Variants in LUZP2 observed in about 807,000 individuals in gnomAD.
The protein encoded by LUZP2 is leucine zipper protein 2.
A neutral mutation model predicts 51.6 loss-of-function variants in LUZP2; 52 were observed. The observed-to-expected ratio is 1.01, with a 90% CI of 0.81 to 1.27. LUZP2 has a LOEUF of 1.27. Ranked by LOEUF, LUZP2 falls within the 50% of genes most tolerant of loss-of-function variation. The pLI is 0.00. For synonymous variants in LUZP2, 154 were observed against 137.3 expected, an observed-to-expected ratio of 1.12 and a Z score of -0.85; for missense variants, 436 against 395.4, an observed-to-expected ratio of 1.10 and a Z score of -0.87.
At chr11:24,940,214 T>A (rs11028288) in intron 7 of LUZP2, among the ~76,000 whole-genome samples, 67,006 of 151,970 alleles carry the variant, frequency 0.44, 15,188 homozygotes, top group East Asian at 0.76. Flanking sequence ...TTAATGAGAA[T>A]GGAAACTATA....
intron 5 of LUZP2, among the ~76,000 whole-genome samples, chr11:24,841,101 C>A (rs1323959927): frequency 6.6e-6 from 1 of 151,806 alleles, no homozygotes; most frequent in African/African-American, 2.4e-5. Context: ...CCCCAAAATT[C>A]ATATGTTAAA....
chr11:24,656,526 A>G (rs915293731), intron 1 of LUZP2, among the ~76,000 whole-genome samples: 1 of 152,110 alleles, frequency 6.6e-6, no homozygotes, highest in African/African-American at 2.4e-5. Context: ...AGTCTGGCAC[A>G]TGTGTCACTG....
chr11:25,070,770 GGTGTGTGTGT>G (rs67504954), intron 10 of LUZP2, among the ~76,000 whole-genome samples: 3,752 of 141,178 alleles, frequency 0.027, 54 homozygotes, highest in East Asian at 0.045. Context: ...GACTGTGTAT[GGTGTGTGTGT>G]GTGTGTGTGT....
chr11:24,881,794 A>C (rs990280301), intron 5 of LUZP2, among the ~76,000 whole-genome samples: 1 of 152,094 alleles, frequency 6.6e-6, no homozygotes, highest in Non-Finnish European at 1.5e-5. Flanking sequence ...TAGATTTTAT[A>C]AAATTTTTAT....
chr11:24,874,089 C>T (rs533802032), intron 5 of LUZP2, among the ~76,000 whole-genome samples: 1 of 152,228 alleles, frequency 6.6e-6, no homozygotes, highest in African/African-American at 2.4e-5. Flanking sequence ...ATTCTTCCAG[C>T]TTTACAGTGG....
chr11:24,519,250 T>G (rs972404404), intron 1 of LUZP2, among the ~76,000 whole-genome samples: 8 of 152,132 alleles, frequency 5.3e-5, no homozygotes, highest in Non-Finnish European at 7.4e-5. Context: ...CCATTAGGAT[T>G]GTATATAAGG....
chr11:25,048,216 G>A (rs1450314507), intron 9 of LUZP2, among the ~76,000 whole-genome samples: 2 of 152,054 alleles, frequency 1.3e-5, no homozygotes, highest in African/African-American at 2.4e-5. Context: ...CTACCCTATA[G>A]ACCAACAAGC....
chr11:24,715,261 C>CTCTGTGTGTGTGTG (rs1220899685), intron 1 of LUZP2, among the ~76,000 whole-genome samples: 1 of 73,510 alleles, frequency 1.4e-5, no homozygotes, highest in East Asian at 8.9e-4. Flanking sequence ...CAAGGAGCAA[C>CTCTGTGTGTGTGTG]TATGTGTGTG....
chr11:24,869,275 G>A (rs995559905), intron 5 of LUZP2, among the ~76,000 whole-genome samples: 1 of 152,046 alleles, frequency 6.6e-6, no homozygotes, highest in Admixed American at 6.6e-5. Flanking sequence ...ATACAGCCTC[G>A]TTTTATTGCA....
chr11:24,748,523 G>A (rs1859461227), intron 4 of LUZP2, among the ~76,000 whole-genome samples: 2 of 151,298 alleles, frequency 1.3e-5, no homozygotes, highest in South Asian at 2.1e-4. Context: ...GCAGTGGCAC[G>A]ATCTCAGCTC....
chr11:24,985,999 G>A (rs1185480128), intron 9 of LUZP2, among the ~76,000 whole-genome samples: 3 of 151,654 alleles, frequency 2.0e-5, no homozygotes, highest in African/African-American at 7.3e-5. Context: ...CAGAGGGAAT[G>A]TTTATGACAA....
chr11:24,940,458 C>G (rs1854713521), intron 7 of LUZP2, among the ~76,000 whole-genome samples: 1 of 152,108 alleles, frequency 6.6e-6, no homozygotes, highest in African/African-American at 2.4e-5. Flanking sequence ...AGGAGAGATT[C>G]TGGATCCAAG....
chr11:24,511,937 C>A (rs142383261), intron 1 of LUZP2, among the ~76,000 whole-genome samples: 1 of 152,036 alleles, frequency 6.6e-6, no homozygotes, highest in East Asian at 1.9e-4. Context: ...CTAGTATCCA[C>A]ATATATTTAT....
At chr11:24,627,426 T>A (rs1854720807) in intron 1 of LUZP2, among the ~76,000 whole-genome samples, 1 of 152,220 alleles carries the variant, frequency 6.6e-6, no homozygotes. Context: ...TAGTACTAGC[T>A]TGTCTCCCCG....
intron 1 of LUZP2, among the ~76,000 whole-genome samples, chr11:24,695,783 A>C (rs1857227849): frequency 1.3e-5 from 2 of 152,076 alleles, no homozygotes; most frequent in Non-Finnish European, 2.9e-5. Context: ...TAAATGCTAA[A>C]ATACATAATA....
At chr11:24,992,658 T>A (rs1344195142) in intron 9 of LUZP2, among the ~76,000 whole-genome samples, 1 of 152,130 alleles carries the variant, frequency 6.6e-6, no homozygotes, top group Non-Finnish European at 1.5e-5. Context: ...TTGCTCCCAA[T>A]ACCTAAAAAT....
intron 1 of LUZP2, among the ~76,000 whole-genome samples, chr11:24,527,200 C>T (rs1850833793): frequency 6.6e-6 from 1 of 151,034 alleles, no homozygotes; most frequent in Non-Finnish European, 1.5e-5. Context: ...ATTTTTTGTT[C>T]CTCTCTCAAT....
intron 1 of LUZP2, among the ~76,000 whole-genome samples, chr11:24,603,881 T>C (rs1424826889): frequency 2.0e-5 from 3 of 151,844 alleles, no homozygotes; most frequent in Admixed American, 1.3e-4. Flanking sequence ...AGTCATATCC[T>C]GTTATTGTCA....
chr11:24,989,101 TAAA>T (rs67413838), intron 9 of LUZP2, among the ~76,000 whole-genome samples: 121 of 143,528 alleles, frequency 8.4e-4, no homozygotes, highest in Non-Finnish European at 8.2e-4. Flanking sequence ...CCTGTGCAGT[TAAA>T]AAAAAAAAAA....
Sources: allele counts gnomAD v4.1 joint callset (sites outside exome capture counted in the v4.1 genomes callset), GRCh38; gene constraint gnomAD v4.1.1; transcripts MANE v1.5; gene names NCBI Gene and HGNC (gene_info 2026-07-23, HGNC 2026-07-21).